The following QTMAN variants were observed in gnomAD, a reference collection of about 807,000 sequenced individuals.
The protein encoded by QTMAN is queuosine-tRNA mannosyltransferase.
chr2:144,012,029 C>T, the QTMAN span, among the ~76,000 whole-genome samples: 3 of 152,062 alleles, frequency 2.0e-5, no homozygotes, highest in Non-Finnish European at 4.4e-5. Context: ...TAGAAATATT[C>T]GGATTGCCAT....
At chr2:144,026,245 C>G in the QTMAN span, among the ~76,000 whole-genome samples, 1 of 151,932 alleles carries the variant, frequency 6.6e-6, no homozygotes, top group Admixed American at 6.6e-5. Context: ...ACCAGCCTGG[C>G]CAACATGGTG....
At chr2:144,007,204 G>T in the QTMAN span, 1 of 1,602,360 alleles carries the variant, frequency 6.2e-7, no homozygotes, top group African/African-American at 1.3e-5. Context: ...CAGACAATGT[G>T]TAGCAGTCTT....
At chr2:144,126,706 T>C in the QTMAN span, among the ~76,000 whole-genome samples, 1,351 of 152,096 alleles carry the variant, frequency 8.9e-3, 21 homozygotes, top group African/African-American at 0.031. Flanking sequence ...AAAGTCACAG[T>C]TTCCAAGAAC....
At chr2:144,187,117 T>C in the QTMAN span, among the ~76,000 whole-genome samples, 7 of 152,348 alleles carry the variant, frequency 4.6e-5, no homozygotes, top group East Asian at 1.2e-3. Context: ...ATCTACGTGA[T>C]TATTGTCAAG....
At chr2:144,112,603 A>G in the QTMAN span, among the ~76,000 whole-genome samples, 39 of 152,352 alleles carry the variant, frequency 2.6e-4, no homozygotes, top group Non-Finnish European at 4.7e-4. Context: ...ACTCTGCCCA[A>G]CACCATGGCG....
the QTMAN span, among the ~76,000 whole-genome samples, chr2:144,095,201 T>G: frequency 6.6e-6 from 1 of 152,254 alleles, no homozygotes; most frequent in Admixed American, 6.5e-5. Flanking sequence ...GAAACTTGTT[T>G]GTTTCTCTAC....
chr2:144,061,003 TA>T, the QTMAN span, among the ~76,000 whole-genome samples: 3 of 152,190 alleles, frequency 2.0e-5, no homozygotes, highest in Admixed American at 6.5e-5. Flanking sequence ...ATTTTTTTTT[TA>T]GTGAACTGTT....
At chr2:144,174,910 A>C in the QTMAN span, among the ~76,000 whole-genome samples, 9 of 152,214 alleles carry the variant, frequency 5.9e-5, no homozygotes, top group African/African-American at 2.2e-4. Context: ...GGACTAATAC[A>C]ACCACAGCAG....
At chr2:144,057,515 C>T in the QTMAN span, among the ~76,000 whole-genome samples, 1 of 152,166 alleles carries the variant, frequency 6.6e-6, no homozygotes, top group Non-Finnish European at 1.5e-5. Context: ...GACCACTTAT[C>T]TCTCATATGA....
chr2:144,183,995 C>T, the QTMAN span, among the ~76,000 whole-genome samples: 9 of 152,238 alleles, frequency 5.9e-5, no homozygotes, highest in Admixed American at 1.3e-4. Context: ...CGTGATTGAG[C>T]GGCAATACGC....
At chr2:144,196,009 C>G in the QTMAN span, among the ~76,000 whole-genome samples, 1 of 152,024 alleles carries the variant, frequency 6.6e-6, no homozygotes. Flanking sequence ...TAGCAGTGAT[C>G]CTCTTACAAA....
chr2:143,987,983 A>G, the QTMAN span, among the ~76,000 whole-genome samples: 1 of 152,160 alleles, frequency 6.6e-6, no homozygotes, highest in South Asian at 2.1e-4. Context: ...ACTGGGAAAA[A>G]CAGGGTGGCG....
At chr2:144,027,993 T>G in the QTMAN span, among the ~76,000 whole-genome samples, 17 of 152,244 alleles carry the variant, frequency 1.1e-4, no homozygotes, top group African/African-American at 3.6e-4. Context: ...TCTAAACTCC[T>G]TCGACCACTT....
At chr2:144,036,545 C>T in the QTMAN span, among the ~76,000 whole-genome samples, 1 of 151,008 alleles carries the variant, frequency 6.6e-6, no homozygotes, top group Non-Finnish European at 1.5e-5. Context: ...CACTTCCTTA[C>T]TATCTGTGTG....
chr2:144,215,441 T>C, the QTMAN span, among the ~76,000 whole-genome samples: 1 of 152,046 alleles, frequency 6.6e-6, no homozygotes, highest in Non-Finnish European at 1.5e-5. Flanking sequence ...ACTAAGCACG[T>C]CATGTACTTG....
chr2:144,305,585 T>C, the QTMAN span, among the ~76,000 whole-genome samples: 1 of 152,210 alleles, frequency 6.6e-6, no homozygotes, highest in Non-Finnish European at 1.5e-5. Flanking sequence ...AAATTCTGAC[T>C]ACCCTGAATT....
the QTMAN span, among the ~76,000 whole-genome samples, chr2:144,150,167 C>T: frequency 6.6e-6 from 1 of 152,040 alleles, no homozygotes; most frequent in Non-Finnish European, 1.5e-5. Flanking sequence ...TGTGTTACCA[C>T]TCATACACAA....
chr2:144,248,468 C>A, the QTMAN span, among the ~76,000 whole-genome samples: 2 of 152,290 alleles, frequency 1.3e-5, no homozygotes, highest in African/African-American at 4.8e-5. Context: ...TCACTCATGG[C>A]GCTATTTAAA....
the QTMAN span, among the ~76,000 whole-genome samples, chr2:144,039,393 G>A: frequency 1.3e-5 from 2 of 152,066 alleles, no homozygotes; most frequent in South Asian, 4.1e-4. Context: ...ATATGACCAA[G>A]TGAGCTCTCA....
Sources: allele counts gnomAD v4.1 joint callset (sites outside exome capture counted in the v4.1 genomes callset), GRCh38; gene constraint gnomAD v4.1.1; transcripts MANE v1.5; gene names NCBI Gene and HGNC (gene_info 2026-07-23, HGNC 2026-07-21).